AGBL4: variants seen among roughly 807,000 people sequenced by gnomAD.
AGBL4 encodes cytosolic carboxypeptidase 6.
A neutral mutation model predicts 66.4 loss-of-function variants in AGBL4; 58 were observed. That is an observed-to-expected ratio of 0.87 (90% CI 0.71 to 1.09). The LOEUF is 1.09. AGBL4 is among the 50% of genes least tolerant of loss of function. The pLI is 0.00. For synonymous variants in AGBL4, 234 were observed against 222.9 expected, an observed-to-expected ratio of 1.05 and a Z score of -0.44; for missense variants, 579 against 631.0, an observed-to-expected ratio of 0.92 and a Z score of 0.88.
At chr1:49,724,094 T>C (rs900899381) in intron 2 of AGBL4, among the ~76,000 whole-genome samples, 5 of 152,152 alleles carry the variant, frequency 3.3e-5, no homozygotes, top group African/African-American at 1.2e-4. Context: ...TATTTAGTTT[T>C]CCACTTTTCT....
intron 3 of AGBL4, among the ~76,000 whole-genome samples, chr1:49,376,376 A>G (rs920537707): frequency 4.6e-5 from 7 of 151,988 alleles, no homozygotes; most frequent in South Asian, 2.1e-4. Context: ...GATTTGGCCA[A>G]TGAAAAGCAC....
At chr1:48,643,218 C>A (rs1475158695) in intron 8 of AGBL4, among the ~76,000 whole-genome samples, 1 of 152,158 alleles carries the variant, frequency 6.6e-6, no homozygotes, top group African/African-American at 2.4e-5. Context: ...GTAAACCATA[C>A]AAGGGTAGCA....
intron 1 of AGBL4, among the ~76,000 whole-genome samples, chr1:49,992,299 G>A (rs1467880698): frequency 6.6e-6 from 1 of 151,728 alleles, no homozygotes; most frequent in Non-Finnish European, 1.5e-5. Flanking sequence ...GTAAACCCAG[G>A]AGGCGGAGTT....
intron 10 of AGBL4, among the ~76,000 whole-genome samples, chr1:48,587,575 C>A (rs1378767547): frequency 6.6e-6 from 1 of 151,866 alleles, no homozygotes; most frequent in Non-Finnish European, 1.5e-5. Flanking sequence ...TCAGCCTAGG[C>A]AACATAGTGA....
intron 3 of AGBL4, among the ~76,000 whole-genome samples, chr1:49,464,852 A>G (rs1646591536): frequency 6.6e-6 from 1 of 151,692 alleles, no homozygotes; most frequent in African/African-American, 2.4e-5. Context: ...GGGCTCCATG[A>G]TGAGAGAAAC....
intron 3 of AGBL4, among the ~76,000 whole-genome samples, chr1:49,510,798 A>T (rs1253113930): frequency 6.6e-6 from 1 of 151,096 alleles, no homozygotes; most frequent in Non-Finnish European, 1.5e-5. Context: ...AGCTTTCTAC[A>T]TATGGCTAGC....
intron 3 of AGBL4, among the ~76,000 whole-genome samples, chr1:49,349,942 G>A (rs916350140): frequency 2.0e-5 from 3 of 152,148 alleles, no homozygotes; most frequent in Non-Finnish European, 4.4e-5. Context: ...CAGGGAGGAG[G>A]CCTCAGAAAA....
intron 5 of AGBL4, among the ~76,000 whole-genome samples, chr1:49,010,508 T>C (rs1371400001): frequency 7.3e-6 from 1 of 137,208 alleles, no homozygotes; most frequent in Non-Finnish European, 1.5e-5. Context: ...ATGCCTTTCT[T>C]CACAGAATTG....
intron 1 of AGBL4, among the ~76,000 whole-genome samples, chr1:50,001,005 T>C (rs1052689685): frequency 6.6e-6 from 1 of 150,746 alleles, no homozygotes; most frequent in Non-Finnish European, 1.5e-5. Flanking sequence ...AGACCACGAC[T>C]AAAAAAAATA....
chr1:49,516,046 A>C (rs1188946239), intron 3 of AGBL4, among the ~76,000 whole-genome samples: 4 of 151,656 alleles, frequency 2.6e-5, no homozygotes, highest in Non-Finnish European at 5.9e-5. Flanking sequence ...AATTTAAAAA[A>C]AAAAAAGAAT....
At chr1:49,712,643 C>A (rs557980735) in intron 2 of AGBL4, among the ~76,000 whole-genome samples, 1 of 151,824 alleles carries the variant, frequency 6.6e-6, no homozygotes, top group African/African-American at 2.4e-5. Context: ...ACAGATATGA[C>A]AATTTTCATG....
At chr1:49,096,694 TG>T (rs1439648282) in intron 4 of AGBL4, among the ~76,000 whole-genome samples, 1 of 64,616 alleles carries the variant, frequency 1.5e-5, no homozygotes, top group African/African-American at 6.3e-5. Context: ...TGTTATGGGG[TG>T]GGGGGAGGGG....
At chr1:49,402,935 T>C (rs747037080) in intron 3 of AGBL4, among the ~76,000 whole-genome samples, 7 of 152,164 alleles carry the variant, frequency 4.6e-5, no homozygotes, top group Non-Finnish European at 8.8e-5. Context: ...GAGTGATGCA[T>C]GTGCTGAGGA....
chr1:49,784,448 C>A (rs1644404994), intron 2 of AGBL4, among the ~76,000 whole-genome samples: 2 of 151,962 alleles, frequency 1.3e-5, no homozygotes, highest in East Asian at 1.9e-4. Flanking sequence ...CAGTTGGAAC[C>A]CTTCCTCAAA....
At chr1:49,506,950 C>A (rs1648745042) in intron 3 of AGBL4, among the ~76,000 whole-genome samples, 1 of 152,032 alleles carries the variant, frequency 6.6e-6, no homozygotes, top group East Asian at 1.9e-4. Context: ...ATATTCACAC[C>A]CTTATGTACT....
At chr1:48,769,828 T>C (rs1644723133) in intron 6 of AGBL4, among the ~76,000 whole-genome samples, 1 of 152,198 alleles carries the variant, frequency 6.6e-6, no homozygotes, top group South Asian at 2.1e-4. Flanking sequence ...AACTCAGAGA[T>C]GTGAAGTAAT....
chr1:49,708,243 A>G (rs1177517974), intron 2 of AGBL4, among the ~76,000 whole-genome samples: 1 of 151,882 alleles, frequency 6.6e-6, no homozygotes, highest in East Asian at 1.9e-4. Flanking sequence ...TGAAGGCTTT[A>G]TTCATTCCTT....
At chr1:49,949,954 A>C (rs1188223704) in intron 1 of AGBL4, among the ~76,000 whole-genome samples, 1 of 147,548 alleles carries the variant, frequency 6.8e-6, no homozygotes, top group Non-Finnish European at 1.5e-5. Context: ...AAACAACCCA[A>C]ATGCCATATA....
chr1:48,604,499 T>C (rs550324048), intron 9 of AGBL4, among the ~76,000 whole-genome samples: 9 of 152,186 alleles, frequency 5.9e-5, no homozygotes, highest in African/African-American at 2.2e-4. Context: ...TCCGTATAAA[T>C]AGAACTCTTT....
Sources: allele counts gnomAD v4.1 joint callset (sites outside exome capture counted in the v4.1 genomes callset), GRCh38; gene constraint gnomAD v4.1.1; transcripts MANE v1.5; gene names NCBI Gene and HGNC (gene_info 2026-07-23, HGNC 2026-07-21).